The following MYO5B variants were observed in gnomAD, a reference collection of about 807,000 sequenced individuals.
MYO5B encodes myosin VB.
A neutral mutation model predicts 229.3 loss-of-function variants in MYO5B; 143 were observed. That is an observed-to-expected ratio of 0.62 (90% CI 0.54 to 0.72). The LOEUF (loss-of-function observed/expected upper bound fraction) is 0.72. Ranked by LOEUF, MYO5B falls within the 30% of genes least tolerant of loss-of-function variation. The probability of loss-of-function intolerance (pLI) is 0.00; values close to 1 mark genes in which losing one functional copy is unlikely to be tolerated. For synonymous variants in MYO5B, 918 were observed against 885.2 expected (o/e 1.04, Z -0.66); for missense variants, 2,321 against 2,331.0 (o/e 1.00, Z 0.09).
At chr18:49,913,997 G>A (rs984604232) in intron 17 of MYO5B, among the ~76,000 whole-genome samples, 17 of 151,300 alleles carry the variant, frequency 1.1e-4, no homozygotes, top group Non-Finnish European at 1.3e-4. Flanking sequence ...CATCCATCCC[G>A]CTAAGAGCCA....
chr18:50,096,287 C>T (rs945885952), intron 1 of MYO5B, among the ~76,000 whole-genome samples: 5 of 152,218 alleles, frequency 3.3e-5, no homozygotes, highest in African/African-American at 7.2e-5. Flanking sequence ...TGTGCTCACC[C>T]AACATCCAAG....
At chr18:49,977,492 C>T (rs570864071) in intron 9 of MYO5B, among the ~76,000 whole-genome samples, 2 of 152,160 alleles carry the variant, frequency 1.3e-5, no homozygotes, top group Non-Finnish European at 2.9e-5. Context: ...CAGTGGGGCT[C>T]TCGGTAGCAA....
intron 22 of MYO5B, among the ~76,000 whole-genome samples, chr18:49,888,314 C>T (rs967203700): frequency 7.2e-5 from 11 of 152,106 alleles, no homozygotes; most frequent in African/African-American, 1.2e-4. Flanking sequence ...CACTGCCATA[C>T]GTCCCCTAAT....
chr18:50,094,781 A>G (rs1277911781), intron 1 of MYO5B, among the ~76,000 whole-genome samples: 2 of 152,292 alleles, frequency 1.3e-5, no homozygotes, highest in East Asian at 3.9e-4. Flanking sequence ...TTAGGCCACT[A>G]AAAACTGAAA....
intron 1 of MYO5B, among the ~76,000 whole-genome samples, chr18:50,095,044 G>C (rs1568104420): frequency 6.6e-6 from 1 of 152,152 alleles, no homozygotes; most frequent in African/African-American, 2.4e-5. Context: ...TGGCCAGGCT[G>C]GTCTCGAACT....
chr18:49,929,389 A>G (rs2025163993), intron 17 of MYO5B, 123 bp downstream of exon 17: 2 of 762,782 alleles, frequency 2.6e-6, no homozygotes, highest in South Asian at 1.7e-5. Flanking sequence ...TTGGGCCTCA[A>G]TGTTTGGGAA....
intron 2 of MYO5B, 44 bp downstream of exon 2, chr18:50,055,224 T>TGGG: frequency 7.6e-6 from 5 of 658,276 alleles, no homozygotes; most frequent in South Asian, 1.5e-5. Flanking sequence ...CTGAGCTCCC[T>TGGG]GCCCCACCTC....
At chr18:49,957,236 T>C (rs953820058) in intron 12 of MYO5B, among the ~76,000 whole-genome samples, 2 of 84,900 alleles carry the variant, frequency 2.4e-5, no homozygotes, top group Non-Finnish European at 2.3e-5. Flanking sequence ...TGTGGATCTC[T>C]AAACAGAAAC....
intron 22 of MYO5B, among the ~76,000 whole-genome samples, chr18:49,888,245 T>A (rs1034472580): frequency 1.3e-5 from 2 of 152,136 alleles, no homozygotes; most frequent in African/African-American, 4.8e-5. Context: ...ACCCACTAGA[T>A]GCTAATACAA....
chr18:50,036,773 G>A, intron 4 of MYO5B, 77 bp downstream of exon 4: 1 of 1,541,914 alleles, frequency 6.5e-7, no homozygotes, highest in Non-Finnish European at 9.0e-7. Context: ...GTGAGCATCA[G>A]TTGCAGAGGA....
At chr18:49,877,603 A>C (rs2024540948) in intron 25 of MYO5B, among the ~76,000 whole-genome samples, 160 bp downstream of exon 25, 1 of 152,222 alleles carries the variant, frequency 6.6e-6, no homozygotes, top group South Asian at 2.1e-4. Context: ...AACTGTCTCT[A>C]AATCCACTGT....
intron 1 of MYO5B, among the ~76,000 whole-genome samples, chr18:50,148,498 G>A (rs1003538232): frequency 2.0e-5 from 3 of 152,126 alleles, no homozygotes; most frequent in African/African-American, 7.2e-5. Context: ...GATCAAGTGG[G>A]CTTCATCCCT....
chr18:50,125,189 A>G (rs932865184), intron 1 of MYO5B, among the ~76,000 whole-genome samples: 12 of 152,092 alleles, frequency 7.9e-5, no homozygotes, highest in African/African-American at 2.9e-4. Flanking sequence ...CACCTTTCTA[A>G]ATATCAAACT....
chr18:50,002,879 A>C (rs2144329593), intron 4 of MYO5B, among the ~76,000 whole-genome samples: 1 of 152,238 alleles, frequency 6.6e-6, no homozygotes, highest in African/African-American at 2.4e-5. Flanking sequence ...ATTGCTTCCT[A>C]GGGCAGAGTG....
intron 1 of MYO5B, among the ~76,000 whole-genome samples, chr18:50,173,094 C>A (rs532916299): frequency 1.3e-5 from 2 of 151,978 alleles, no homozygotes; most frequent in Non-Finnish European, 2.9e-5. Flanking sequence ...CGAACCCCGT[C>A]GCTACTAAAA....
intron 29 of MYO5B, among the ~76,000 whole-genome samples, chr18:49,859,171 C>T (rs533044277): frequency 1.3e-5 from 2 of 152,318 alleles, no homozygotes; most frequent in African/African-American, 4.8e-5. Flanking sequence ...GCCCGTGGCC[C>T]GGGCTAATCA....
At chr18:49,906,328 A>G in intron 19 of MYO5B, 91 bp downstream of exon 19, 1 of 1,277,550 alleles carries the variant, frequency 7.8e-7, no homozygotes, top group Non-Finnish European at 1.1e-6. Flanking sequence ...CTCTCAGCAC[A>G]GAGGAAGAGA....
At chr18:49,966,122 T>C (rs2025622558) in intron 10 of MYO5B, among the ~76,000 whole-genome samples, 1 of 152,054 alleles carries the variant, frequency 6.6e-6, no homozygotes, top group Admixed American at 6.6e-5. Flanking sequence ...ACACCACAGA[T>C]AGAGGCATCA....
At chr18:50,124,758 C>G (rs2032129675) in intron 1 of MYO5B, among the ~76,000 whole-genome samples, 1 of 151,838 alleles carries the variant, frequency 6.6e-6, no homozygotes, top group South Asian at 2.1e-4. Flanking sequence ...ACACATCTCT[C>G]CCCCCGCCCC....
Sources: allele counts gnomAD v4.1 joint callset (sites outside exome capture counted in the v4.1 genomes callset), GRCh38; gene constraint gnomAD v4.1.1; transcripts MANE v1.5; gene names NCBI Gene and HGNC (gene_info 2026-07-23, HGNC 2026-07-21).